ELMO1: variants seen among roughly 807,000 people sequenced by gnomAD.
ELMO1 encodes engulfment and cell motility 1.
ELMO1 carries 26 observed loss-of-function variants against 98.9 expected under a neutral mutation model. The ratio of observed to expected loss-of-function variants is 0.26; its 90% CI spans 0.19 to 0.36. ELMO1 has a LOEUF of 0.36. Ranked by LOEUF, ELMO1 falls within the 10% of genes least tolerant of loss-of-function variation. ELMO1 has a pLI of 1.00. For synonymous variants in ELMO1, 346 were observed against 346.0 expected, an observed-to-expected ratio of 1.00 and a Z score of 0.00; for missense variants, 627 against 935.2, an observed-to-expected ratio of 0.67 and a Z score of 4.30.
chr7:37,429,114 G>A (rs1030044588), intron 1 of ELMO1: 2 of 152,214 alleles, frequency 1.3e-5, no homozygotes, highest in Non-Finnish European at 2.9e-5. Flanking sequence ...TGATATTTTG[G>A]AAGGATTTGC....
At chr7:37,278,765 A>C (rs547352052) in intron 4 of ELMO1, among the ~76,000 whole-genome samples, 1 of 152,308 alleles carries the variant, frequency 6.6e-6, no homozygotes, top group East Asian at 1.9e-4. Flanking sequence ...GACACTGACA[A>C]AGTGTTTCAT....
chr7:37,128,274 T>G (rs1786667350), intron 14 of ELMO1, among the ~76,000 whole-genome samples: 1 of 152,168 alleles, frequency 6.6e-6, no homozygotes, highest in South Asian at 2.1e-4. Flanking sequence ...CTCTGTACCA[T>G]TATCTTGTCT....
chr7:37,130,188 G>A (rs1361224603), intron 14 of ELMO1, among the ~76,000 whole-genome samples: 1 of 152,080 alleles, frequency 6.6e-6, no homozygotes, highest in Non-Finnish European at 1.5e-5. Context: ...CCTGGTATTT[G>A]TCTCTTCACC....
chr7:37,145,368 A>T (rs1787917233), intron 13 of ELMO1, among the ~76,000 whole-genome samples: 1 of 152,238 alleles, frequency 6.6e-6, no homozygotes, highest in Non-Finnish European at 1.5e-5. Context: ...CATGCATTTT[A>T]AATATACTTG....
chr7:37,182,011 CCT>C (rs1331555893), intron 13 of ELMO1, among the ~76,000 whole-genome samples: 6 of 113,214 alleles, frequency 5.3e-5, no homozygotes, highest in Admixed American at 9.4e-5. Flanking sequence ...CAATTGCCCC[CCT>C]CTCAAATAAG....
At chr7:37,140,765 C>T (rs1157205225) in intron 13 of ELMO1, among the ~76,000 whole-genome samples, 1 of 58,134 alleles carries the variant, frequency 1.7e-5, no homozygotes, top group African/African-American at 4.3e-5. Flanking sequence ...AAATGGACAA[C>T]AAGCATACGG....
intron 16 of ELMO1, among the ~76,000 whole-genome samples, chr7:36,959,250 G>T (rs1322993358): frequency 1.3e-5 from 2 of 151,732 alleles, no homozygotes. Context: ...TGCAGCAGGG[G>T]CCTCCTCATC....
intron 1 of ELMO1, among the ~76,000 whole-genome samples, chr7:37,361,348 C>T (rs928604087): frequency 1.3e-5 from 2 of 152,078 alleles, no homozygotes; most frequent in African/African-American, 4.8e-5. Context: ...GAAGTAAATC[C>T]GGAGTGAATT....
chr7:36,951,814 T>G (rs142212802), intron 16 of ELMO1, among the ~76,000 whole-genome samples: 93 of 152,346 alleles, frequency 6.1e-4, no homozygotes, highest in African/African-American at 2.2e-3. Context: ...TCTTCTCTGC[T>G]AGAAACTTCC....
At chr7:37,401,562 C>T (rs947445951) in intron 1 of ELMO1, among the ~76,000 whole-genome samples, 1 of 152,090 alleles carries the variant, frequency 6.6e-6, no homozygotes, top group Non-Finnish European at 1.5e-5. Flanking sequence ...GCTAAGGAGG[C>T]CTCAGGAAAC....
At chr7:36,948,504 A>G (rs1270423563) in intron 16 of ELMO1, among the ~76,000 whole-genome samples, 1 of 152,224 alleles carries the variant, frequency 6.6e-6, no homozygotes, top group African/African-American at 2.4e-5. Context: ...GTTCAGAAAA[A>G]TTAAATCAAC....
chr7:37,204,565 A>G (rs1404779012), intron 13 of ELMO1, among the ~76,000 whole-genome samples: 1 of 152,342 alleles, frequency 6.6e-6, no homozygotes, highest in East Asian at 1.9e-4. Flanking sequence ...AAGCTTCCAC[A>G]GCATGGAAGG....
chr7:37,222,548 A>T lies in ELMO1; in HGVS notation c.780+67T>A, dbSNP rs1793656016. 78 of 1,466,656 alleles carry T rather than the reference A, an allele frequency of 5.3e-5. No homozygotes were observed. The South Asian group carries it at 8.7e-4, about 16-fold the overall frequency. The allele number at this position is 1,466,656 out of a possible 1,614,324, so 90.9% of individuals were successfully genotyped here. ...CCAATGAGTCCCCGAATAGAAGGAG[A>T]GGGCGTTCTCTGCACACAAAGTTCC... On this transcript the variant is annotated intron_variant, in intron 10 of 21. Coordinates refer to ENST00000310758, the MANE Select transcript of ELMO1 (RefSeq NM_014800.11).
intron 1 of ELMO1, among the ~76,000 whole-genome samples, chr7:37,376,635 G>A (rs1256142140): frequency 1.3e-5 from 2 of 152,054 alleles, no homozygotes; most frequent in Non-Finnish European, 2.9e-5. Context: ...ACACTCCTGT[G>A]AGTTCATCTA....
At chr7:37,435,366 T>C (rs910880326) in intron 1 of ELMO1, 1 of 152,252 alleles carries the variant, frequency 6.6e-6, no homozygotes, top group East Asian at 1.9e-4. Flanking sequence ...ACTAAAGTCC[T>C]AGGGTGGTTT....
chr7:37,378,368 A>G (rs569199883), intron 1 of ELMO1, among the ~76,000 whole-genome samples: 3 of 152,356 alleles, frequency 2.0e-5, no homozygotes, highest in Non-Finnish European at 4.4e-5. Flanking sequence ...CTGCACCAGG[A>G]AAACCACAGA....
chr7:37,081,608 G>A (rs1797869638), intron 15 of ELMO1, among the ~76,000 whole-genome samples: 1 of 152,172 alleles, frequency 6.6e-6, no homozygotes, highest in Admixed American at 6.5e-5. Context: ...GAGACAAGGG[G>A]AAACCCCTTT....
intron 4 of ELMO1, among the ~76,000 whole-genome samples, chr7:37,307,383 C>G (rs907133039): frequency 2.0e-5 from 3 of 152,188 alleles, no homozygotes; most frequent in Non-Finnish European, 4.4e-5. Flanking sequence ...TGCACTTCTC[C>G]TTGCTGCCTC....
chr7:37,118,401 T>C (rs1785747975), intron 14 of ELMO1, among the ~76,000 whole-genome samples: 1 of 152,226 alleles, frequency 6.6e-6, no homozygotes, highest in Non-Finnish European at 1.5e-5. Flanking sequence ...CAGGAGAAAC[T>C]GGGAAACATG....
Sources: gnomAD v4.1 joint callset for allele counts (sites outside exome capture counted in the v4.1 genomes callset) on GRCh38, gnomAD v4.1.1 for gene constraint, MANE v1.5 for transcripts, NCBI Gene and HGNC (gene_info 2026-07-23, HGNC 2026-07-21) for gene names.